The following CA14 variants were observed in gnomAD, a reference collection of about 807,000 sequenced individuals.
The protein encoded by CA14 is carbonic anhydrase 14.
A neutral mutation model predicts 48.8 loss-of-function variants in CA14; 44 were observed. The observed-to-expected ratio is 0.90, with a 90% CI of 0.71 to 1.16. The LOEUF is 1.16. CA14 is among the 50% of genes most tolerant of loss of function. The pLI is 0.00. For missense variants in CA14, 386 were observed against 401.0 expected (o/e 0.96, Z 0.32); for synonymous variants, 154 against 155.0 (o/e 0.99, Z 0.05).
In CA14 at chr1:150,264,818, T is replaced by A; in HGVS notation, c.*159T>A. 1 of 523,560 alleles carries A rather than the reference T, an allele frequency of 1.9e-6. No homozygotes were observed. Among genetic ancestry groups the A allele is most frequent in the Non-Finnish European group, 3.4e-6 (1 of 294,716 alleles). The allele number at this position is 523,560 out of a possible 1,614,324, so 32.4% of individuals were successfully genotyped here. A position where few individuals can be genotyped will look rare whatever the true frequency, so the allele number is the denominator to read the frequency against. ...CCTAGAGAGGAATGGACCCAGGCTG[T>A]CATTCCAGGAAGAACTGCAGAGCCT... is the stretch of plus-strand genomic sequence containing the variant. On this transcript the variant is annotated 3_prime_UTR_variant, in exon 11 of 11. Coordinates refer to ENST00000369111, the MANE Select transcript of CA14 (RefSeq NM_012113.3).
chr1:150,262,691 T>C, intron 5 of CA14, 71 bp downstream of exon 5: 1 of 1,415,388 alleles, frequency 7.1e-7, no homozygotes, highest in South Asian at 1.1e-5. Context: ...TTTCTGTTGC[T>C]GGCCTCCTTC....
intron 3 of CA14, 45 bp from the exon 4 acceptor site, chr1:150,262,113 T>C: frequency 6.2e-6 from 10 of 1,612,682 alleles, no homozygotes; most frequent in Non-Finnish European, 6.8e-6. Context: ...AGTGGGAATG[T>C]ATCCACATGC....
chr1:150,263,247 G>C (rs970584562), intron 7 of CA14, 48 bp downstream of exon 7: 1 of 1,613,722 alleles, frequency 6.2e-7, no homozygotes, highest in East Asian at 2.2e-5. Flanking sequence ...TGTAACTTCA[G>C]ACCCCTTCCC....
At chr1:150,264,253 G>C (rs918284112) in intron 10 of CA14, among the ~76,000 whole-genome samples, 4 of 150,498 alleles carry the variant, frequency 2.7e-5, no homozygotes, top group Admixed American at 1.3e-4. Flanking sequence ...GTCGAGGCTG[G>C]AGTGCATGGC....
Position 150,263,322 on chromosome 1 carries a change from G to A in CA14, c.744G>A (p.Leu248=). ...AGCTGGAAAAGCTTCAGGGGACATT[G>A]TTCTCCACAGAAGAGGAGCCCTCTA... The part of the protein sequence containing the change: ...MEQLEKLQGT[L]FSTEEEPSKL... The change falls in exon 8 of 11, where the codon TTG becomes TTA. Residue 248 remains leucine, a synonymous_variant. Transcript: ENST00000369111. The A allele has an allele frequency of 6.2e-7, 1 of 1,614,192 alleles. No individual in the cohort carries two copies. Among genetic ancestry groups the A allele is most frequent in the Non-Finnish European group, 8.5e-7 (1 of 1,180,026 alleles).
intron 2 of CA14, 159 bp downstream of exon 2, chr1:150,260,330 T>C (rs1553847536): frequency 1.4e-6 from 1 of 736,286 alleles, no homozygotes; most frequent in Non-Finnish European, 2.5e-6. Context: ...CATATATGGC[T>C]CCTAGATCCT....
At position 150,261,636 on chromosome 1, in the gene CA14, C is replaced by T. The variant is rs1220305522; in HGVS notation, c.254C>T (p.Thr85Ile). 1 of 1,613,278 alleles carries T rather than the reference C, an allele frequency of 6.2e-7. No homozygotes were observed. The highest frequency in any genetic ancestry group is 8.5e-7 in the Non-Finnish European group (1 of 1,179,584). The change falls in exon 3 of 11, where the codon ACA (threonine) becomes ATA (isoleucine). Residue 85 changes from threonine to isoleucine, a missense_variant and splice_region_variant. Transcript: ENST00000369111. ...TTGGACCTGCACAACAATGGCCACA[C>T]AGGTAAAAGCACAGGCTCCAAGGAG... ...EPLDLHNNGH[T>I]VQLSLPSTLY...
chr1:150,264,384 G>A (rs1228293541), intron 10 of CA14, among the ~76,000 whole-genome samples: 1 of 151,736 alleles, frequency 6.6e-6, no homozygotes, highest in African/African-American at 2.4e-5. Context: ...TGTATTTTTA[G>A]CAGAGACGGG....
At chr1:150,259,632 C>A (rs1553847346) in intron 1 of CA14, among the ~76,000 whole-genome samples, 1 of 152,158 alleles carries the variant, frequency 6.6e-6, no homozygotes, top group African/African-American at 2.4e-5. Context: ...GAGTTTACAG[C>A]TCAGTGGCTT....
chr1:150,263,867 TAGAA>T lies in CA14; in HGVS notation c.940_943del (p.Lys314PhefsTer34). 1 of 1,612,044 alleles carries T rather than the reference TAGAA, an allele frequency of 6.2e-7. No individual in the cohort carries two copies. The highest frequency in any genetic ancestry group is 8.5e-7 in the Non-Finnish European group (1 of 1,178,568). ...TTCTCCTGGCTGTTTATTTCATTGC[TAGAA>T]AGATTCGGTGAGGCCCTACTTTCCA... On this transcript the variant is annotated frameshift_variant, in exon 10 of 11. Coordinates refer to ENST00000369111, the MANE Select transcript of CA14 (RefSeq NM_012113.3). LOFTEE classifies it high-confidence loss of function.
intron 1 of CA14, among the ~76,000 whole-genome samples, chr1:150,258,538 T>C (rs1560021736): frequency 1.3e-5 from 2 of 151,908 alleles, no homozygotes; most frequent in Non-Finnish European, 2.9e-5. Context: ...CTCCTCCAAA[T>C]AGGGAGTCAA....
chr1:150,263,879 G>T lies in CA14; in HGVS notation c.947+1G>T. 2 of 1,605,974 alleles carry T rather than the reference G, an allele frequency of 1.2e-6. No individual in the cohort carries two copies. Among genetic ancestry groups the T allele is most frequent in the Non-Finnish European group, 1.7e-6 (2 of 1,173,622 alleles). ...TTTATTTCATTGCTAGAAAGATTCG[G>T]TGAGGCCCTACTTTCCATTCCTCCA... On this transcript the variant is annotated splice_donor_variant, in intron 10 of 10. Transcript: ENST00000369111. LOFTEE classifies it high-confidence loss of function.
rs1311634310 is a variant in CA14, at chr1:150,264,993, C to A, written c.*334C>A. On this transcript the variant is annotated 3_prime_UTR_variant, in exon 11 of 11. Coordinates refer to ENST00000369111, the MANE Select transcript of CA14 (RefSeq NM_012113.3). ...TATGGCCCTTTCCCTAGATATACTG[C>A]GGGATCTCTCCTTAGGATAAAGAGT... is the stretch of plus-strand genomic sequence containing the variant. 5.2e-6 allele frequency: 1 copy of A among 191,400 alleles called. No individual in the cohort carries two copies. The highest frequency in any genetic ancestry group is 1.1e-5 in the Non-Finnish European group (1 of 92,802). 11.9% of individuals were successfully genotyped at this position (191,400 alleles called of 1,614,324 possible). A position where few individuals can be genotyped will look rare whatever the true frequency, so the allele number is the denominator to read the frequency against.
chr1:150,258,959 G>C (rs1650771876), intron 1 of CA14, among the ~76,000 whole-genome samples: 1 of 152,168 alleles, frequency 6.6e-6, no homozygotes, highest in Admixed American at 6.5e-5. Flanking sequence ...GAGGATGGGG[G>C]CAGGCAGGCA....
Position 150,258,259 on chromosome 1 carries a change from G to A in CA14, c.55+76G>A, listed in dbSNP as rs1338459504. On this transcript the variant is annotated intron_variant, in intron 1 of 10. Coordinates refer to ENST00000369111, the MANE Select transcript of CA14 (RefSeq NM_012113.3). ...CGCCAGGTGTGCTTAATGGGGGGAG[G>A]AGAGGTGTGAAAGGAAGCCTAGAGG... is the stretch of plus-strand genomic sequence containing the variant. The A allele has an allele frequency of 5.6e-6, 7 of 1,258,498 alleles. No individual in the cohort carries two copies. The East Asian group carries it at 9.9e-5, about 18-fold the overall frequency. 78.0% of individuals were successfully genotyped at this position (1,258,498 alleles called of 1,614,324 possible).
chr1:150,258,122 G>A lies in CA14; in HGVS notation c.-7G>A. Reference sequence around the variant, plus strand: ...TCCCAGTCCCCTGCACCCCTTCCTGGGACACTATGTTGTTCTCCGCCCTCC... The same window carrying A: ...TCCCAGTCCCCTGCACCCCTTCCTGAGACACTATGTTGTTCTCCGCCCTCC... On this transcript the variant is annotated 5_prime_UTR_variant, in exon 1 of 11. Transcript: ENST00000369111. The A allele has an allele frequency of 1.2e-6, 2 of 1,607,052 alleles. No homozygotes were observed. The highest frequency in any genetic ancestry group is 1.7e-6 in the Non-Finnish European group (2 of 1,175,742).
In CA14 at chr1:150,259,845, G is replaced by C. The variant is rs587606511; in HGVS notation, c.56-306G>C. ...TGGCACAGGTTACAGAAAAGAAAGG[G>C]TTGGGCCAATCGCACATTTGGATCC... On this transcript the variant is annotated intron_variant, in intron 1 of 10. Transcript: ENST00000369111. Among the ~76,000 whole-genome samples, 170 of 152,196 alleles carry C rather than the reference G, an allele frequency of 1.1e-3. 1 individual carries two copies. The highest frequency in any genetic ancestry group is 3.2e-3 in the Admixed American group (49 of 15,268).
rs782280003 is a variant in CA14 at position 150,261,584 on chromosome 1, G to C, written c.202G>C (p.Gly68Arg). The part of the protein sequence containing the change: ...DPDLPALQPH[G>R]YDQPGTEPLD... ...TGATTTGCCTGCTCTGCAGCCCCAC[G>C]GATATGACCAGCCTGGCACCGAGCC... Residue 68 changes from glycine to arginine, a missense_variant, in exon 3 of 11, where the codon GGA becomes CGA. Coordinates refer to ENST00000369111, the MANE Select transcript of CA14 (RefSeq NM_012113.3). The C allele has an allele frequency of 6.8e-6, 11 of 1,614,022 alleles. No homozygotes were observed. Among genetic ancestry groups the C allele is most frequent in the African/African-American group, 1.3e-5 (1 of 74,896 alleles).
At chr1:150,261,887 G>A (rs1553847945) in intron 3 of CA14, among the ~76,000 whole-genome samples, 1 of 152,196 alleles carries the variant, frequency 6.6e-6, no homozygotes. Flanking sequence ...CATGAATTTG[G>A]AGATATGAGA....
Sources: allele counts gnomAD v4.1 joint callset (sites outside exome capture counted in the v4.1 genomes callset), GRCh38; gene constraint gnomAD v4.1.1; transcripts MANE v1.5; gene names NCBI Gene and HGNC (gene_info 2026-07-23, HGNC 2026-07-21).